The following TNS3 variants were observed in gnomAD, a reference collection of about 807,000 sequenced individuals.
TNS3 encodes tensin 3, also known as tensin-3.
Under a neutral mutation model 140.9 loss-of-function variants are expected in TNS3, and 45 were observed. That is an observed-to-expected ratio of 0.32 (90% CI 0.25 to 0.41). TNS3 has a LOEUF of 0.41. Among genes scored for constraint, TNS3 ranks in the 10% least tolerant of loss-of-function variants. The pLI, the probability that TNS3 is intolerant of heterozygous loss-of-function variation, is 1.00. For synonymous variants in TNS3, 815 were observed against 788.4 expected, an observed-to-expected ratio of 1.03 and a Z score of -0.56; for missense variants, 1,716 against 1,906.7, an observed-to-expected ratio of 0.90 and a Z score of 1.86.
At chr7:47,389,116 A>G (rs1219407307) in intron 16 of TNS3, among the ~76,000 whole-genome samples, 1,884 of 7,664 alleles carry the variant, frequency 0.25, 579 homozygotes, top group South Asian at 0.49. Flanking sequence ...AAGCAGAAGA[A>G]GAAGAAGAAG....
intron 4 of TNS3, among the ~76,000 whole-genome samples, chr7:47,451,377 C>T (rs1383643901): frequency 1.3e-5 from 2 of 152,110 alleles, no homozygotes; most frequent in South Asian, 2.1e-4. Context: ...GCCAGGAGTT[C>T]GAGACCAACC....
chr7:47,393,627 G>A (rs929119630), intron 16 of TNS3, among the ~76,000 whole-genome samples: 1 of 152,164 alleles, frequency 6.6e-6, no homozygotes, highest in Non-Finnish European at 1.5e-5. Context: ...GGATGAACCA[G>A]GCACTGGGAG....
At chr7:47,292,800 A>G in intron 26 of TNS3, 28 bp downstream of exon 26, 1 of 1,605,194 alleles carries the variant, frequency 6.2e-7, no homozygotes, top group South Asian at 1.1e-5. Flanking sequence ...ATCTACACAG[A>G]GCCTGACTAG....
intron 16 of TNS3, among the ~76,000 whole-genome samples, chr7:47,372,164 C>T (rs1446509433): frequency 6.6e-6 from 1 of 152,222 alleles, no homozygotes; most frequent in African/African-American, 2.4e-5. Context: ...ACTCCTCCTC[C>T]CCACGATGGA....
intron 28 of TNS3, among the ~76,000 whole-genome samples, chr7:47,283,080 A>G (rs7783188): frequency 0.41 from 62,204 of 152,094 alleles, 13,006 homozygotes; most frequent in Non-Finnish European, 0.44. Flanking sequence ...ATTGCATCTG[A>G]AATGCTCTGT....
At chr7:47,378,322 C>G (rs972515991) in intron 16 of TNS3, among the ~76,000 whole-genome samples, 1 of 152,166 alleles carries the variant, frequency 6.6e-6, no homozygotes, top group African/African-American at 2.4e-5. Context: ...GTCCACTGAC[C>G]TCCCGTCTCG....
At chr7:47,515,704 C>A (rs760721448) in intron 2 of TNS3, among the ~76,000 whole-genome samples, 1 of 152,202 alleles carries the variant, frequency 6.6e-6, no homozygotes, top group South Asian at 2.1e-4. Flanking sequence ...TCATCAATCA[C>A]GCCACCACCC....
chr7:47,383,206 T>G (rs897354719), intron 16 of TNS3, among the ~76,000 whole-genome samples: 2 of 152,056 alleles, frequency 1.3e-5, no homozygotes, highest in South Asian at 4.2e-4. Flanking sequence ...GTGTGGTGTG[T>G]CCACACAGTG....
At chr7:47,401,005 A>G in intron 13 of TNS3, 91 bp from the exon 14 acceptor site, 2 of 1,553,038 alleles carry the variant, frequency 1.3e-6, no homozygotes, top group Admixed American at 3.5e-5. Context: ...CCGGCACAGC[A>G]GGGCCTCCCC....
chr7:47,516,804 T>A (rs1378792804), intron 2 of TNS3, among the ~76,000 whole-genome samples: 1 of 152,228 alleles, frequency 6.6e-6, no homozygotes, highest in Non-Finnish European at 1.5e-5. Flanking sequence ...GGCTCACGGC[T>A]ATAATCCCAG....
chr7:47,370,707 T>C (rs1456837051), intron 16 of TNS3, among the ~76,000 whole-genome samples: 1 of 152,216 alleles, frequency 6.6e-6, no homozygotes, highest in East Asian at 1.9e-4. Context: ...CACTTTCTTC[T>C]ACTTCCTCGA....
At chr7:47,396,480 G>A in intron 16 of TNS3, 1 of 323,860 alleles carries the variant, frequency 3.1e-6, no homozygotes, top group South Asian at 3.6e-5. Flanking sequence ...AAACGGAAGG[G>A]ACGGAAGAAG....
chr7:47,305,291 G>A (rs532836270), intron 20 of TNS3, among the ~76,000 whole-genome samples: 1 of 152,358 alleles, frequency 6.6e-6, no homozygotes. Context: ...GTCATGTGAG[G>A]AGATGCACAT....
At chr7:47,446,676 G>T (rs1415155154) in intron 4 of TNS3, among the ~76,000 whole-genome samples, 6 of 132,456 alleles carry the variant, frequency 4.5e-5, no homozygotes, top group Non-Finnish European at 9.5e-5. Context: ...AGACCGCCCT[G>T]TTCCAGGCTG....
rs1212328321 is a variant in TNS3, at chr7:47,277,770, T to C, written c.*306A>G. On this transcript the variant is annotated 3_prime_UTR_variant, in exon 31 of 31. Coordinates refer to ENST00000311160, the MANE Select transcript of TNS3 (RefSeq NM_022748.12). The stretch of plus-strand genomic sequence containing the variant: ...GACATGGGGACCACCTCGTGTTCTG[T>C]GCTGTTTCCTTGCATGTCCCTTTCC... 9 of 436,518 alleles carry C rather than the reference T, an allele frequency of 2.1e-5. No homozygotes were observed. The East Asian group carries it at 4.0e-4, about 19-fold the overall frequency. 27.0% of individuals were successfully genotyped at this position (436,518 alleles called of 1,614,324 possible).
At chr7:47,474,927 AG>A (rs1435707836) in intron 4 of TNS3, among the ~76,000 whole-genome samples, 1 of 149,514 alleles carries the variant, frequency 6.7e-6, no homozygotes, top group East Asian at 2.0e-4. Context: ...TCACACACAC[AG>A]GTAACACCTC....
At chr7:47,558,324 T>C (rs904513114) in intron 1 of TNS3, among the ~76,000 whole-genome samples, 1 of 152,194 alleles carries the variant, frequency 6.6e-6, no homozygotes, top group African/African-American at 2.4e-5. Context: ...TTTCTTCTTT[T>C]ATTCTTACCC....
intron 27 of TNS3, among the ~76,000 whole-genome samples, chr7:47,287,913 T>C (rs558656247): frequency 5.3e-5 from 8 of 152,344 alleles, no homozygotes; most frequent in East Asian, 1.9e-4. Context: ...TTTGGAGTTA[T>C]TGATACATTT....
At chr7:47,390,625 G>T (rs1792457334) in intron 16 of TNS3, among the ~76,000 whole-genome samples, 1 of 152,200 alleles carries the variant, frequency 6.6e-6, no homozygotes, top group African/African-American at 2.4e-5. Flanking sequence ...CACACTCTTG[G>T]ATTGGTAAGT....
Sources: gnomAD v4.1 joint callset for allele counts (sites outside exome capture counted in the v4.1 genomes callset) on GRCh38, gnomAD v4.1.1 for gene constraint, MANE v1.5 for transcripts, NCBI Gene and HGNC (gene_info 2026-07-23, HGNC 2026-07-21) for gene names.